FGF13: variants seen among roughly 807,000 people sequenced by gnomAD.
FGF13 encodes fibroblast growth factor 13, also known as fibroblast growth factor homologous factor 2.
In FGF13, 2 loss-of-function variants were observed where a neutral mutation model predicts 19.5. The observed-to-expected ratio is 0.10, with a 90% CI of 0.04 to 0.32. FGF13 has a LOEUF of 0.32. Ranked by LOEUF, FGF13 falls within the 10% of genes least tolerant of loss-of-function variation. The pLI is 1.00. For synonymous variants in FGF13, 72 were observed against 76.9 expected, an observed-to-expected ratio of 0.94 and a Z score of 0.33; for missense variants, 113 against 192.7, an observed-to-expected ratio of 0.59 and a Z score of 2.45.
At chrX:138,877,238 T>G (rs2091395502) in intron 1 of FGF13, among the ~76,000 whole-genome samples, 1 of 109,340 alleles carries the variant, frequency 9.1e-6, no homozygotes, top group South Asian at 4.0e-4. Context: ...GTTTTTTTTT[T>G]AAGAAGAAAT....
intron 1 of FGF13, among the ~76,000 whole-genome samples, chrX:139,025,072 T>C (rs1229809541): frequency 9.0e-6 from 1 of 110,882 alleles, no homozygotes; most frequent in Non-Finnish European, 1.9e-5. Context: ...CTGCCCTGCC[T>C]GGATATGATG....
chrX:139,037,198 C>G (rs2092253424), intron 1 of FGF13, among the ~76,000 whole-genome samples: 1 of 111,063 alleles, frequency 9.0e-6, no homozygotes, highest in Non-Finnish European at 1.9e-5. Flanking sequence ...CATTTGGAGT[C>G]AAAAAAGCTG....
chrX:138,887,558 A>G (rs1179000381), intron 1 of FGF13, among the ~76,000 whole-genome samples: 1 of 111,685 alleles, frequency 9.0e-6, no homozygotes, highest in Non-Finnish European at 1.9e-5. Context: ...GCATTGTGAC[A>G]CAGATAAACT....
chrX:138,981,346 C>T (rs1168946827), intron 1 of FGF13, among the ~76,000 whole-genome samples: 1 of 106,467 alleles, frequency 9.4e-6, no homozygotes, highest in African/African-American at 3.4e-5. Flanking sequence ...CACACACACA[C>T]ACACACACAC....
intron 1 of FGF13, among the ~76,000 whole-genome samples, chrX:138,991,670 CATGACT>C (rs2092015956): frequency 8.9e-6 from 1 of 112,177 alleles, no homozygotes; most frequent in African/African-American, 3.2e-5. Flanking sequence ...ACTCCCTGAA[CATGACT>C]ATATTTCCTT....
chrX:138,777,410 G>A (rs1185354310), intron 3 of FGF13, among the ~76,000 whole-genome samples: 2 of 111,717 alleles, frequency 1.8e-5, no homozygotes, highest in East Asian at 5.6e-4. Flanking sequence ...AGGTATCCAG[G>A]AAACAGCAAC....
intron 3 of FGF13, among the ~76,000 whole-genome samples, chrX:138,829,719 T>C (rs1386720047): frequency 9.0e-6 from 1 of 111,064 alleles, no homozygotes; most frequent in African/African-American, 3.3e-5. Flanking sequence ...AATAAGCTTC[T>C]ATTCTATTTT....
chrX:138,624,855 T>A lies in FGF13; in HGVS notation c.*7995A>T. On this transcript the variant is annotated 3_prime_UTR_variant, in exon 5 of 5. Coordinates refer to ENST00000315930, the MANE Select transcript of FGF13 (RefSeq NM_004114.5). Reference sequence around the variant, plus strand: ...TTCAAAAAATAAAATAAAAAAATTATCTGCCCAGCAAAGGAAATAATCGAC... The same window carrying A: ...TTCAAAAAATAAAATAAAAAAATTAACTGCCCAGCAAAGGAAATAATCGAC... 1 of 111,586 alleles carries A rather than the reference T, an allele frequency of 9.0e-6. No homozygotes were observed. The highest frequency in any genetic ancestry group is 9.5e-5 in the Admixed American group (1 of 10,527). The allele number at this position is 111,586 out of a possible 1,213,427, so 9.2% of individuals were successfully genotyped here.
At chrX:138,935,821 A>T (rs1252163549) in intron 1 of FGF13, among the ~76,000 whole-genome samples, 1 of 111,749 alleles carries the variant, frequency 8.9e-6, no homozygotes, top group East Asian at 2.8e-4. Context: ...CTCCATCATT[A>T]TAGTTGGGTC....
chrX:138,644,928 A>G (rs1195326459), intron 3 of FGF13, among the ~76,000 whole-genome samples: 1 of 112,034 alleles, frequency 8.9e-6, no homozygotes, highest in African/African-American at 3.2e-5. Flanking sequence ...GCTGAGGATA[A>G]CAAGTGCTAA....
At chrX:138,823,800 G>A (rs746317380) in intron 3 of FGF13, among the ~76,000 whole-genome samples, 37 of 111,586 alleles carry the variant, frequency 3.3e-4, no homozygotes, top group Non-Finnish European at 5.8e-4. Context: ...CTGTTTCATC[G>A]GATCCTCAAA....
intron 3 of FGF13, among the ~76,000 whole-genome samples, chrX:138,753,209 TG>T (rs781657784): frequency 8.9e-6 from 1 of 112,323 alleles, no homozygotes; most frequent in East Asian, 2.8e-4. Context: ...TCGAAATTTT[TG>T]TCATTTCCAA....
rs750596463 is a variant in FGF13, at chrX:138,822,458, G to C, written c.217+35054C>G. On this transcript the variant is annotated intron_variant, in intron 3 of 6. Coordinates refer to the FGF13 transcript ENST00000436198. ...AGATAGCACACTCAAGGGAATAACT[G>C]AAGAGTGTTTAATAAAGGGACCATT... Among the ~76,000 whole-genome samples, 6 of 111,867 alleles carry C rather than the reference G, an allele frequency of 5.4e-5. No homozygotes were observed. The South Asian group carries it at 2.2e-3, about 42-fold the overall frequency.
At chrX:138,704,191 G>C (rs899592383) in intron 2 of FGF13, among the ~76,000 whole-genome samples, 1 of 111,215 alleles carries the variant, frequency 9.0e-6, no homozygotes, top group Admixed American at 9.5e-5. Context: ...GCAGCCAGTT[G>C]GTGCCAGTGA....
At chrX:139,095,603 T>A (rs921396825) in intron 1 of FGF13, among the ~76,000 whole-genome samples, 1 of 112,149 alleles carries the variant, frequency 8.9e-6, no homozygotes, top group Non-Finnish European at 1.9e-5. Flanking sequence ...TCTACCTATC[T>A]GAGTCTCAGT....
intron 3 of FGF13, among the ~76,000 whole-genome samples, chrX:138,685,450 A>G (rs752002487): frequency 9.0e-6 from 1 of 111,585 alleles, no homozygotes; most frequent in South Asian, 3.8e-4. Flanking sequence ...CCATAAAAAA[A>G]CTGTCATAAA....
At chrX:139,064,954 G>A (rs1212679263) in intron 1 of FGF13, among the ~76,000 whole-genome samples, 1 of 110,596 alleles carries the variant, frequency 9.0e-6, no homozygotes, top group Non-Finnish European at 1.9e-5. Flanking sequence ...TCTTCCTCTT[G>A]ATCAATTTGG....
At chrX:139,089,929 C>T (rs2083428917) in intron 1 of FGF13, among the ~76,000 whole-genome samples, 1 of 111,341 alleles carries the variant, frequency 9.0e-6, no homozygotes, top group Admixed American at 9.5e-5. Flanking sequence ...GCCTTGAACT[C>T]TTCTCCTCAA....
At chrX:139,114,557 T>C (rs975780169) in intron 1 of FGF13, among the ~76,000 whole-genome samples, 2 of 111,517 alleles carry the variant, frequency 1.8e-5, no homozygotes, top group Non-Finnish European at 3.8e-5. Flanking sequence ...GGCAAGGCAT[T>C]GGACTTATCC....
Sources: gnomAD v4.1 joint callset for allele counts (sites outside exome capture counted in the v4.1 genomes callset) on GRCh38, gnomAD v4.1.1 for gene constraint, MANE v1.5 for transcripts, NCBI Gene and HGNC (gene_info 2026-07-23, HGNC 2026-07-21) for gene names.